Variants in PIK3C2G observed in about 807,000 individuals in gnomAD.
PIK3C2G encodes phosphatidylinositol-4-phosphate 3-kinase catalytic subunit type 2 gamma.
PIK3C2G carries 168 observed loss-of-function variants against 181.1 expected under a neutral mutation model. The observed-to-expected ratio is 0.93, with a 90% confidence interval of 0.82 to 1.05. The LOEUF (loss-of-function observed/expected upper bound fraction) is 1.05. PIK3C2G is among the 50% of genes least tolerant of loss of function. PIK3C2G has a pLI of 0.00. For synonymous variants in PIK3C2G, 573 were observed against 592.2 expected (o/e 0.97, Z 0.47); for missense variants, 1,869 against 1,732.8 (o/e 1.08, Z -1.40).
At chr12:18,455,687 T>G (rs964832037) in intron 18 of PIK3C2G, among the ~76,000 whole-genome samples, 2 of 152,114 alleles carry the variant, frequency 1.3e-5, no homozygotes, top group African/African-American at 4.8e-5. Context: ...GTCTTCTCAC[T>G]GTTTTCTCAC....
intron 1 of PIK3C2G, among the ~76,000 whole-genome samples, chr12:18,262,351 A>T (rs908810189): frequency 6.6e-6 from 1 of 152,154 alleles, no homozygotes; most frequent in African/African-American, 2.4e-5. Context: ...TAAATGCATT[A>T]GCTAATGTAA....
chr12:18,691,350 G>C, the PIK3C2G span, among the ~76,000 whole-genome samples: 14 of 152,246 alleles, frequency 9.2e-5, no homozygotes, highest in Admixed American at 8.5e-4. Context: ...AAGGAGGTAA[G>C]GATGCTCAGT....
rs1395208840 is a variant in PIK3C2G, at chr12:18,405,376, C to A, written c.2315+5529C>A. On this transcript the variant is annotated intron_variant, in intron 16 of 32. Transcript: ENST00000538779. ...GTATAGAAAGAGGCCAGAGATGGAACTCTGGAGAACAGCAACATTTGTGTT... is the reference window on the plus strand; with the variant it reads ...GTATAGAAAGAGGCCAGAGATGGAAATCTGGAGAACAGCAACATTTGTGTT... Among the ~76,000 whole-genome samples the A allele has an allele frequency of 4.0e-5, 6 of 151,244 alleles. No individual in the cohort carries two copies. The East Asian group carries it at 1.2e-3, about 30-fold the overall frequency.
At chr12:18,310,054 T>G (rs191571637) in intron 5 of PIK3C2G, among the ~76,000 whole-genome samples, 2 of 151,946 alleles carry the variant, frequency 1.3e-5, no homozygotes, top group African/African-American at 4.8e-5. Flanking sequence ...GAAGTTGAAA[T>G]TTTTAAAAGA....
chr12:18,400,229 A>T (rs567974043), intron 16 of PIK3C2G, among the ~76,000 whole-genome samples: 3 of 152,180 alleles, frequency 2.0e-5, no homozygotes, highest in Admixed American at 2.0e-4. Context: ...GCCCTGTGTA[A>T]AGTAGTTGTA....
chr12:18,509,295 G>T (rs1052570357), intron 24 of PIK3C2G, among the ~76,000 whole-genome samples: 2 of 152,072 alleles, frequency 1.3e-5, no homozygotes, highest in Non-Finnish European at 2.9e-5. Flanking sequence ...CAATTCGCCC[G>T]CCTCGGCCTC....
At chr12:18,303,325 T>TTCTC (rs199849468) in intron 5 of PIK3C2G, among the ~76,000 whole-genome samples, 2 of 146,000 alleles carry the variant, frequency 1.4e-5, no homozygotes, top group Admixed American at 6.8e-5. Context: ...CTTTCTCTCT[T>TTCTC]TCTCTCTCTC....
chr12:18,474,417 T>C (rs1199159863), intron 18 of PIK3C2G, among the ~76,000 whole-genome samples: 1 of 152,100 alleles, frequency 6.6e-6, no homozygotes, highest in Non-Finnish European at 1.5e-5. Flanking sequence ...GAAGCAGAAT[T>C]TACCATGTAA....
At chr12:18,331,691 T>A (rs1937988672) in intron 8 of PIK3C2G, among the ~76,000 whole-genome samples, 3 of 152,094 alleles carry the variant, frequency 2.0e-5, no homozygotes, top group African/African-American at 7.2e-5. Flanking sequence ...GAGTCTCCAA[T>A]AGGATTTTAC....
intron 19 of PIK3C2G, among the ~76,000 whole-genome samples, chr12:18,490,734 G>A (rs1940486243): frequency 6.6e-6 from 1 of 152,134 alleles, no homozygotes; most frequent in Non-Finnish European, 1.5e-5. Flanking sequence ...TGGTTGGATA[G>A]TACTCCATCA....
At chr12:18,279,227 A>G (rs1565546614) in intron 1 of PIK3C2G, among the ~76,000 whole-genome samples, 1 of 151,966 alleles carries the variant, frequency 6.6e-6, no homozygotes, top group African/African-American at 2.4e-5. Context: ...AAGTTAATAC[A>G]TTTTTTTGTT....
the PIK3C2G span, among the ~76,000 whole-genome samples, chr12:18,661,243 G>C: frequency 6.6e-6 from 1 of 152,040 alleles, no homozygotes; most frequent in Non-Finnish European, 1.5e-5. Flanking sequence ...TGAAGAAATA[G>C]TACCCCAAAT....
At chr12:18,668,917 G>A in the PIK3C2G span, among the ~76,000 whole-genome samples, 1 of 152,002 alleles carries the variant, frequency 6.6e-6, no homozygotes, top group Admixed American at 6.6e-5. Context: ...CAGCAAAGAC[G>A]AAATAAATTA....
chr12:18,491,589 A>C (rs1442177393), intron 20 of PIK3C2G, 31 bp downstream of exon 20: 1 of 1,242,944 alleles, frequency 8.0e-7, no homozygotes, highest in Non-Finnish European at 1.2e-6. Flanking sequence ...GATTAATGGA[A>C]TATTTCTGTT....
intron 16 of PIK3C2G, among the ~76,000 whole-genome samples, chr12:18,405,779 T>C (rs1472997301): frequency 6.6e-6 from 1 of 152,284 alleles, no homozygotes; most frequent in East Asian, 1.9e-4. Flanking sequence ...TAATTGTATA[T>C]ATTTATGTGG....
intron 29 of PIK3C2G, among the ~76,000 whole-genome samples, chr12:18,590,717 C>T (rs898761215): frequency 6.6e-6 from 1 of 151,936 alleles, no homozygotes; most frequent in Admixed American, 6.6e-5. Flanking sequence ...AAAAGTTGAT[C>T]ATTTTGAGAT....
chr12:18,417,991 G>A (rs547413514), intron 16 of PIK3C2G, among the ~76,000 whole-genome samples: 9 of 152,054 alleles, frequency 5.9e-5, no homozygotes, highest in East Asian at 1.9e-4. Context: ...AAACACAGAA[G>A]GAAATAAAAT....
intron 31 of PIK3C2G, among the ~76,000 whole-genome samples, chr12:18,618,692 T>A (rs1233550888): frequency 2.0e-5 from 3 of 152,154 alleles, no homozygotes; most frequent in Admixed American, 6.6e-5. Flanking sequence ...CTATAATAAC[T>A]ATCCTCCATG....
At chr12:18,396,575 C>T (rs1943907864) in intron 15 of PIK3C2G, among the ~76,000 whole-genome samples, 1 of 151,454 alleles carries the variant, frequency 6.6e-6, no homozygotes, top group African/African-American at 2.4e-5. Flanking sequence ...ACTATTTTTA[C>T]ATAGCATGAT....
Sources: allele counts gnomAD v4.1 joint callset (sites outside exome capture counted in the v4.1 genomes callset), GRCh38; gene constraint gnomAD v4.1.1; transcripts MANE v1.5; gene names NCBI Gene and HGNC (gene_info 2026-07-23, HGNC 2026-07-21).